SLC10A7: variants seen among roughly 807,000 people sequenced by gnomAD.
SLC10A7 encodes the protein solute carrier family 10 member 7.
In SLC10A7, 29 loss-of-function variants were observed where a neutral mutation model predicts 43.2. The observed-to-expected ratio is 0.67, with a 90% CI of 0.50 to 0.92. The LOEUF (loss-of-function observed/expected upper bound fraction) is 0.92, where lower values mean the gene tolerates loss of function less well. Ranked by LOEUF, SLC10A7 falls within the 40% of genes least tolerant of loss-of-function variation. The pLI, the probability that SLC10A7 is intolerant of heterozygous loss-of-function variation, is 0.00. For synonymous variants in SLC10A7, 152 were observed against 144.8 expected, an observed-to-expected ratio of 1.05 and a Z score of -0.35; for missense variants, 295 against 403.2, an observed-to-expected ratio of 0.73 and a Z score of 2.30.
chr4:146,379,645 G>A (rs1344871327), intron 5 of SLC10A7, among the ~76,000 whole-genome samples: 1 of 152,020 alleles, frequency 6.6e-6, no homozygotes, highest in African/African-American at 2.4e-5. Flanking sequence ...CTGTCCACTT[G>A]GAAGAAAAAC....
chr4:146,521,739 T>C lies in SLC10A7; in HGVS notation c.-22A>G. On this transcript the variant is annotated 5_prime_UTR_variant, in exon 1 of 12. Coordinates refer to ENST00000335472, the MANE Select transcript of SLC10A7 (RefSeq NM_001029998.6). ...TCATATTTGTTAGGGTGGGTGGGTT[T>C]TGTTTATTTGTTTGGCTTTTTTTCT... is the stretch of plus-strand genomic sequence containing the variant. 2 of 1,595,086 alleles carry C rather than the reference T, an allele frequency of 1.3e-6. No individual in the cohort carries two copies. The highest frequency in any genetic ancestry group is 2.2e-5 in the East Asian group (1 of 44,786).
chr4:146,502,544 G>A (rs1287968063), intron 4 of SLC10A7, among the ~76,000 whole-genome samples: 2 of 148,698 alleles, frequency 1.3e-5, no homozygotes, highest in African/African-American at 5.0e-5. Flanking sequence ...AGGAAACGGG[G>A]GTATATTATA....
At chr4:146,327,690 G>T (rs1452716714) in intron 5 of SLC10A7, among the ~76,000 whole-genome samples, 2 of 152,188 alleles carry the variant, frequency 1.3e-5, no homozygotes, top group Non-Finnish European at 2.9e-5. Flanking sequence ...TTATAATCCA[G>T]TAGAGGACAC....
chr4:146,390,004 G>A (rs1738301062), intron 5 of SLC10A7, among the ~76,000 whole-genome samples: 1 of 152,164 alleles, frequency 6.6e-6, no homozygotes, highest in African/African-American at 2.4e-5. Flanking sequence ...ATATTTTTAG[G>A]AGTTACAATG....
intron 5 of SLC10A7, among the ~76,000 whole-genome samples, chr4:146,399,708 C>T (rs912465082): frequency 3.3e-5 from 5 of 152,052 alleles, no homozygotes; most frequent in African/African-American, 4.8e-5. Flanking sequence ...AATCAAGGAA[C>T]ATTTTTAAGA....
intron 4 of SLC10A7, among the ~76,000 whole-genome samples, chr4:146,448,244 A>T (rs996993435): frequency 1.3e-5 from 2 of 152,066 alleles, no homozygotes; most frequent in East Asian, 1.9e-4. Flanking sequence ...AATAAAAAAA[A>T]TTTTAAAAAA....
At chr4:146,422,262 A>G (rs1053944638) in intron 5 of SLC10A7, among the ~76,000 whole-genome samples, 10 of 152,194 alleles carry the variant, frequency 6.6e-5, no homozygotes, top group Non-Finnish European at 1.3e-4. Flanking sequence ...CCCATATGGT[A>G]TAACTGTCTC....
chr4:146,417,686 G>A (rs68027160), intron 5 of SLC10A7, among the ~76,000 whole-genome samples: 31,483 of 151,972 alleles, frequency 0.21, 3,370 homozygotes, highest in African/African-American at 0.23. Flanking sequence ...TATTTGCTTC[G>A]ACAGCAATAT....
Position 146,513,081 on chromosome 4 carries a change from C to T in SLC10A7, c.184-3032G>A, listed in dbSNP as rs116212571. 5.7e-3 allele frequency among the ~76,000 whole-genome samples: 863 copies of T among 151,294 alleles called. 6 individuals carry two copies. The highest frequency in any genetic ancestry group is 0.02 in the African/African-American group (815 of 41,232). ...CACATGGAATATCTCTGGAAAGGTA[C>T]GCAGAAATTGTTAACATTGTTTGTC... On this transcript the variant is annotated intron_variant, in intron 2 of 11. Transcript: ENST00000335472.
chr4:146,393,645 A>G (rs186946675), intron 5 of SLC10A7, among the ~76,000 whole-genome samples: 7 of 152,358 alleles, frequency 4.6e-5, no homozygotes, highest in African/African-American at 1.4e-4. Context: ...AGTAATTTCT[A>G]TAAAACACAG....
rs971987108 is a variant in SLC10A7, at chr4:146,442,466, A to G, written c.435+317T>C. On this transcript the variant is annotated intron_variant, in intron 5 of 11. Transcript: ENST00000335472. ...AATCCTCAGTCCCATGATACAAAATAATAATAATCTAAAAGACCTCATTAA... is the reference window on the plus strand; with the variant it reads ...AATCCTCAGTCCCATGATACAAAATGATAATAATCTAAAAGACCTCATTAA... The G allele has an allele frequency of 7.4e-6, 8 of 1,081,732 alleles. No homozygotes were observed. In the African/African-American group the frequency reaches 1.2e-4, roughly 16 times the overall value. The allele number at this position is 1,081,732 out of a possible 1,614,324, so 67.0% of individuals were successfully genotyped here.
chr4:146,521,874 G>C lies in SLC10A7; in HGVS notation c.-157C>G, dbSNP rs187466895. On this transcript the variant is annotated 5_prime_UTR_variant, in exon 1 of 12. Coordinates refer to ENST00000335472, the MANE Select transcript of SLC10A7 (RefSeq NM_001029998.6). Reference sequence around the variant, plus strand: ...CCGATTGTAAAGTAAAGACCTGGGGGTTGCTCCGGCGGCTTTGAGGAGGGT... The same window carrying C: ...CCGATTGTAAAGTAAAGACCTGGGGCTTGCTCCGGCGGCTTTGAGGAGGGT... 1.6e-5 allele frequency: 10 copies of C among 620,476 alleles called. No homozygotes were observed. Among genetic ancestry groups the C allele is most frequent in the Admixed American group, 1.5e-4 (5 of 33,582 alleles). 38.4% of individuals were successfully genotyped at this position (620,476 alleles called of 1,614,324 possible). A position where few individuals can be genotyped will look rare whatever the true frequency, so the allele number is the denominator to read the frequency against.
intron 5 of SLC10A7, among the ~76,000 whole-genome samples, chr4:146,397,078 T>C (rs1317087984): frequency 6.6e-6 from 1 of 152,190 alleles, no homozygotes; most frequent in African/African-American, 2.4e-5. Context: ...GAAGTTTTTC[T>C]TTCAAAGATA....
chr4:146,350,557 G>C (rs28783748), intron 5 of SLC10A7, among the ~76,000 whole-genome samples: 28,066 of 138,822 alleles, frequency 0.2, 3,127 homozygotes, highest in African/African-American at 0.3. Flanking sequence ...GCCTGCTTCT[G>C]TAGGCTCCAC....
At chr4:146,475,235 C>T (rs1238182860) in intron 4 of SLC10A7, among the ~76,000 whole-genome samples, 1 of 152,084 alleles carries the variant, frequency 6.6e-6, no homozygotes, top group African/African-American at 2.4e-5. Flanking sequence ...AACTGAGCCT[C>T]ATATCTTCAG....
chr4:146,424,607 C>T lies in SLC10A7; in HGVS notation c.435+18176G>A, dbSNP rs1228093388. 2.1e-4 allele frequency among the ~76,000 whole-genome samples: 32 copies of T among 151,724 alleles called. 1 individual carries two copies. Among genetic ancestry groups the T allele is most frequent in the Non-Finnish European group, 2.9e-5 (2 of 67,940 alleles). ...CCCAGGAGACAGAGGTTACATTGAG[C>T]CAAGATCGGGCTACTGCACTGTAGC... On this transcript the variant is annotated intron_variant, in intron 5 of 11. Coordinates refer to ENST00000335472, the MANE Select transcript of SLC10A7 (RefSeq NM_001029998.6).
intron 5 of SLC10A7, among the ~76,000 whole-genome samples, chr4:146,347,739 G>A (rs1317704420): frequency 6.6e-6 from 1 of 152,098 alleles, no homozygotes; most frequent in African/African-American, 2.4e-5. Context: ...TGTCTGCTTA[G>A]CCCCAAGTCA....
rs544053175 is a variant in SLC10A7, at chr4:146,316,883, C to T, written c.471+9078G>A. ...TATCCTCCAGGGATTCTATTTTTCT[C>T]TATTAAGTGTCAAATGTAACATTTG... On this transcript the variant is annotated intron_variant, in intron 6 of 11. Coordinates refer to ENST00000335472, the MANE Select transcript of SLC10A7 (RefSeq NM_001029998.6). Among the ~76,000 whole-genome samples the T allele has an allele frequency of 2.0e-5, 3 of 152,168 alleles. No individual in the cohort carries two copies. In the South Asian group the frequency reaches 6.2e-4, roughly 32 times the overall value.
intron 8 of SLC10A7, 129 bp downstream of exon 8, chr4:146,293,801 T>C (rs1052234548): frequency 5.6e-6 from 3 of 538,262 alleles, no homozygotes; most frequent in African/African-American, 3.8e-5. Flanking sequence ...ACTGAGTAAA[T>C]GTAAAATAAA....
Sources: gnomAD v4.1 joint callset for allele counts (sites outside exome capture counted in the v4.1 genomes callset) on GRCh38, gnomAD v4.1.1 for gene constraint, MANE v1.5 for transcripts, NCBI Gene and HGNC (gene_info 2026-07-23, HGNC 2026-07-21) for gene names.